The following NUSAP1 variants were observed in gnomAD, a reference collection of about 807,000 sequenced individuals.
NUSAP1 encodes the protein nucleolar and spindle associated protein 1.
A neutral mutation model predicts 52.8 loss-of-function variants in NUSAP1; 32 were observed. The observed-to-expected ratio is 0.61, with a 90% CI of 0.46 to 0.81. The LOEUF is 0.81. Among genes scored for constraint, NUSAP1 ranks in the 40% least tolerant of loss-of-function variants. NUSAP1 has a pLI of 0.00. For synonymous variants in NUSAP1, 195 were observed against 183.1 expected, an observed-to-expected ratio of 1.06 and a Z score of -0.52; for missense variants, 499 against 522.3, an observed-to-expected ratio of 0.96 and a Z score of 0.43.
At chr15:41,350,597 T>G (rs2048742563) in intron 3 of NUSAP1, among the ~76,000 whole-genome samples, 1 of 152,148 alleles carries the variant, frequency 6.6e-6, no homozygotes, top group African/African-American at 2.4e-5. Context: ...GGAAAACTTG[T>G]TCTTTTCTTT....
intron 7 of NUSAP1, 99 bp downstream of exon 7, chr15:41,365,688 T>C: frequency 1.3e-6 from 1 of 753,106 alleles, no homozygotes; most frequent in Non-Finnish European, 2.0e-6. Context: ...TACATACTCA[T>C]AGGGTACATA....
chr15:41,374,001 A>G (rs1258734348), intron 8 of NUSAP1, among the ~76,000 whole-genome samples: 2 of 152,170 alleles, frequency 1.3e-5, no homozygotes, highest in Non-Finnish European at 2.9e-5. Context: ...CATCCTGGCT[A>G]ACACACTGAA....
chr15:41,342,962 G>A lies in NUSAP1; in HGVS notation c.162+508G>A, dbSNP rs572286920. The A allele has an allele frequency of 1.6e-4, 24 of 153,380 alleles. No homozygotes were observed. In the South Asian group the frequency reaches 4.7e-3, roughly 30 times the overall value. 9.5% of individuals were successfully genotyped at this position (153,380 alleles called of 1,614,324 possible). A position where few individuals can be genotyped will look rare whatever the true frequency, so the allele number is the denominator to read the frequency against. On this transcript the variant is annotated intron_variant, in intron 2 of 10. Coordinates refer to ENST00000559596, the MANE Select transcript of NUSAP1 (RefSeq NM_016359.5). ...GAATGGTGAAACTGTTTTGCGCCAA[G>A]TAATCTGTTGAATAACATGTTTTTA... is the stretch of plus-strand genomic sequence containing the variant.
At chr15:41,372,897 G>A (rs1409530815) in intron 8 of NUSAP1, among the ~76,000 whole-genome samples, 3 of 152,044 alleles carry the variant, frequency 2.0e-5, no homozygotes, top group Non-Finnish European at 4.4e-5. Flanking sequence ...AGACCAGCCT[G>A]GCCAACATGG....
chr15:41,368,962 G>A (rs2049545281), intron 7 of NUSAP1, among the ~76,000 whole-genome samples: 1 of 151,842 alleles, frequency 6.6e-6, no homozygotes, highest in Non-Finnish European at 1.5e-5. Flanking sequence ...ATGCTGACCA[G>A]GCTGGTCTAG....
chr15:41,367,195 C>T (rs1026553667), intron 7 of NUSAP1, among the ~76,000 whole-genome samples: 4 of 152,094 alleles, frequency 2.6e-5, no homozygotes, highest in Non-Finnish European at 5.9e-5. Flanking sequence ...AGTACAGGGG[C>T]GTTGAGCAGG....
intron 7 of NUSAP1, among the ~76,000 whole-genome samples, chr15:41,369,838 C>G (rs533950863): frequency 6.6e-6 from 1 of 151,530 alleles, no homozygotes; most frequent in African/African-American, 2.4e-5. Flanking sequence ...GAGGCCGAGG[C>G]GGGCAGATCA....
At chr15:41,371,761 G>GT (rs1045866460) in intron 8 of NUSAP1, 77 bp downstream of exon 8, 410 of 1,453,634 alleles carry the variant, frequency 2.8e-4, no homozygotes, top group East Asian at 8.3e-4. Flanking sequence ...AGGTATATCT[G>GT]TTTTTTTTGT....
At position 41,349,353 on chromosome 15, in the gene NUSAP1, G is replaced by C. The variant is rs930292891; in HGVS notation, c.306+112G>C. 5.4e-6 allele frequency: 6 copies of C among 1,108,788 alleles called. No homozygotes were observed. In the African/African-American group the frequency reaches 9.4e-5, roughly 17 times the overall value. The allele number at this position is 1,108,788 out of a possible 1,614,324, so 68.7% of individuals were successfully genotyped here. On this transcript the variant is annotated intron_variant, in intron 3 of 10. Transcript: ENST00000559596. ...GATGTCATGTGTTTGTAAGGTTACT[G>C]TGTGCTGTAAGCTCCATGAAAGCCC...
intron 2 of NUSAP1, among the ~76,000 whole-genome samples, chr15:41,342,707 G>A (rs2048409388): frequency 6.6e-6 from 1 of 152,094 alleles, no homozygotes; most frequent in South Asian, 2.1e-4. Context: ...ATGTGGTGGC[G>A]GGAGCCTGTA....
intron 1 of NUSAP1, among the ~76,000 whole-genome samples, chr15:41,338,657 AAGAG>A (rs957999451): frequency 3.3e-5 from 5 of 152,118 alleles, no homozygotes; most frequent in East Asian, 3.9e-4. Context: ...AAAGAAAAAA[AAGAG>A]AGAGAGACCA....
At chr15:41,368,898 A>G (rs1216225296) in intron 7 of NUSAP1, among the ~76,000 whole-genome samples, 1 of 151,236 alleles carries the variant, frequency 6.6e-6, no homozygotes, top group African/African-American at 2.4e-5. Context: ...ACATTCAGTT[A>G]ATTCTTTTTT....
In NUSAP1 at chr15:41,332,941, C is replaced by T. The variant is rs768350892; in HGVS notation, c.-17C>T. ...TGGTGATCCATCTTCCGAGTATCGC[C>T]GGGATTTCGAATCGCGATGATCATC... On this transcript the variant is annotated 5_prime_UTR_variant, in exon 1 of 11. Coordinates refer to ENST00000559596, the MANE Select transcript of NUSAP1 (RefSeq NM_016359.5). The T allele has an allele frequency of 5.0e-6, 8 of 1,593,140 alleles. No homozygotes were observed. Among genetic ancestry groups the T allele is most frequent in the Non-Finnish European group, 6.9e-6 (8 of 1,166,372 alleles).
chr15:41,342,140 C>T (rs1306875906), intron 1 of NUSAP1, among the ~76,000 whole-genome samples: 1 of 152,216 alleles, frequency 6.6e-6, no homozygotes, highest in Non-Finnish European at 1.5e-5. Context: ...CCTATGTTCT[C>T]ATGACAGCCT....
At chr15:41,339,411 C>CT (rs910899570) in intron 1 of NUSAP1, among the ~76,000 whole-genome samples, 8,079 of 132,510 alleles carry the variant, frequency 0.061, 490 homozygotes, top group African/African-American at 0.15. Context: ...TTCGACTTTT[C>CT]TTTTTTTTTT....
At chr15:41,357,213 C>T (rs935658553) in intron 5 of NUSAP1, among the ~76,000 whole-genome samples, 18 of 151,860 alleles carry the variant, frequency 1.2e-4, no homozygotes, top group Non-Finnish European at 7.4e-5. Flanking sequence ...ACTGAAAATA[C>T]AAACATTAGC....
In NUSAP1 at chr15:41,333,877, A is replaced by G. The variant is rs1013464162; in HGVS notation, c.93+827A>G. ...CAGTGAGCCAAGATCGCACCACTGC[A>G]CTCCAACTTCGGTGACAGAGAGAGA... On this transcript the variant is annotated intron_variant, in intron 1 of 10. Coordinates refer to ENST00000559596, the MANE Select transcript of NUSAP1 (RefSeq NM_016359.5). 2.0e-5 allele frequency among the ~76,000 whole-genome samples: 3 copies of G among 152,172 alleles called. No homozygotes were observed. In the South Asian group the frequency reaches 6.2e-4, roughly 31 times the overall value.
intron 8 of NUSAP1, among the ~76,000 whole-genome samples, chr15:41,373,091 A>C (rs1302492392): frequency 1.4e-5 from 2 of 146,094 alleles, no homozygotes; most frequent in East Asian, 4.0e-4. Context: ...ACCCTGTCTC[A>C]AAAAAAAAAA....
At chr15:41,348,943 A>T (rs1314901706) in intron 2 of NUSAP1, among the ~76,000 whole-genome samples, 155 bp from the exon 3 acceptor site, 4 of 152,184 alleles carry the variant, frequency 2.6e-5, no homozygotes, top group African/African-American at 9.7e-5. Flanking sequence ...TAAATACTCT[A>T]TAATTCTTGT....
Sources: gnomAD v4.1 joint callset for allele counts (sites outside exome capture counted in the v4.1 genomes callset) on GRCh38, gnomAD v4.1.1 for gene constraint, MANE v1.5 for transcripts, NCBI Gene and HGNC (gene_info 2026-07-23, HGNC 2026-07-21) for gene names.